MFSD1: variants seen among roughly 807,000 people sequenced by gnomAD.
MFSD1 encodes the protein major facilitator superfamily domain containing 1, also known as lysosomal dipeptide transporter MFSD1.
MFSD1 carries 59 observed loss-of-function variants against 67.1 expected under a neutral mutation model. The observed-to-expected ratio is 0.88, with a 90% CI of 0.71 to 1.09. The LOEUF (loss-of-function observed/expected upper bound fraction) is 1.09. Ranked by LOEUF, MFSD1 falls within the 50% of genes least tolerant of loss-of-function variation. The pLI, the probability that MFSD1 is intolerant of heterozygous loss-of-function variation, is 0.00. For synonymous variants in MFSD1, 213 were observed against 200.3 expected (o/e 1.06, Z -0.54); for missense variants, 552 against 566.1 (o/e 0.97, Z 0.25).
intron 7 of MFSD1, among the ~76,000 whole-genome samples, chr3:158,815,062 G>A (rs889942003): frequency 1.3e-5 from 2 of 152,124 alleles, no homozygotes; most frequent in African/African-American, 4.8e-5. Context: ...AGCCTGGACG[G>A]CAAGAGCAAA....
At chr3:158,823,860 A>G (rs936962609) in intron 12 of MFSD1, among the ~76,000 whole-genome samples, 6 of 152,166 alleles carry the variant, frequency 3.9e-5, no homozygotes, top group Non-Finnish European at 5.9e-5. Context: ...TGATATTCAC[A>G]TGGCCCTTCT....
intron 6 of MFSD1, among the ~76,000 whole-genome samples, chr3:158,811,394 G>T (rs1730010552): frequency 6.6e-6 from 1 of 152,190 alleles, no homozygotes; most frequent in East Asian, 1.9e-4. Flanking sequence ...GCATATACAG[G>T]TGTAGAATTC....
At chr3:158,826,164 A>G in intron 14 of MFSD1, 102 bp downstream of exon 14, 1 of 822,260 alleles carries the variant, frequency 1.2e-6, no homozygotes, top group Middle Eastern at 3.0e-4. Flanking sequence ...TCCATGCAGT[A>G]ATGACTTTCT....
At chr3:158,820,385 C>T in intron 9 of MFSD1, 59 bp downstream of exon 9, 1 of 1,170,952 alleles carries the variant, frequency 8.5e-7, no homozygotes, top group South Asian at 1.3e-5. Flanking sequence ...AGTTCAATCA[C>T]ATAAATGTAG....
At chr3:158,826,794 A>C (rs1048841453) in intron 14 of MFSD1, among the ~76,000 whole-genome samples, 1 of 151,846 alleles carries the variant, frequency 6.6e-6, no homozygotes, top group Non-Finnish European at 1.5e-5. Context: ...TAGCCTCCCA[A>C]ACAGCTGGGA....
chr3:158,824,176 A>G lies in MFSD1; in HGVS notation c.1228A>G (p.Met410Val). Residue 410 changes from methionine to valine, a missense_variant, in exon 13 of 16, where the codon ATG (methionine) becomes GTG (valine). Met to Val is a conservative substitution (Grantham distance 21, BLOSUM62 1). Transcript: ENST00000415822. The part of the protein sequence containing the change: ...GLAIISIIAG[M>V]ILDSRGYLFL... ...GGCCATCATTTCCATCATTGCTGGTATGATACTGGATTCTCGGGGGTATTT... is the reference window on the plus strand; with the variant it reads ...GGCCATCATTTCCATCATTGCTGGTGTGATACTGGATTCTCGGGGGTATTT... 6.2e-7 allele frequency: 1 copy of G among 1,613,626 alleles called. No individual in the cohort carries two copies. Among genetic ancestry groups the G allele is most frequent in the Non-Finnish European group, 8.5e-7 (1 of 1,179,804 alleles).
chr3:158,808,170 A>C (rs1729819912), intron 5 of MFSD1, among the ~76,000 whole-genome samples: 4 of 152,262 alleles, frequency 2.6e-5, no homozygotes, highest in Admixed American at 2.6e-4. Flanking sequence ...AAATGTGGTC[A>C]GAAATGGCCT....
rs1461369308 is a variant in MFSD1, at chr3:158,820,129, G to C, written c.752-86G>C. ...GTTGAATTGCAAAGATTAATCACAA[G>C]ATTTTAAAAAATAATCTTGACTATA... On this transcript the variant is annotated intron_variant, in intron 8 of 15. Coordinates refer to ENST00000415822, the MANE Select transcript of MFSD1 (RefSeq NM_022736.4). 4 of 712,186 alleles carry C rather than the reference G, an allele frequency of 5.6e-6. No individual in the cohort carries two copies. In the Admixed American group the frequency reaches 9.8e-5, roughly 18 times the overall value. 44.1% of individuals were successfully genotyped at this position (712,186 alleles called of 1,614,324 possible).
At chr3:158,824,818 C>CAGTGATGAT (rs772614979) in intron 13 of MFSD1, among the ~76,000 whole-genome samples, 1 of 152,152 alleles carries the variant, frequency 6.6e-6, no homozygotes, top group Non-Finnish European at 1.5e-5. Context: ...TGACAAACCA[C>CAGTGATGAT]AGTGATGATT....
chr3:158,823,630 T>TAGC, intron 12 of MFSD1, 105 bp downstream of exon 12: 1 of 881,204 alleles, frequency 1.1e-6, no homozygotes, highest in Non-Finnish European at 1.9e-6. Context: ...GCCTCTGGGG[T>TAGC]AGCGCTGAAC....
chr3:158,805,365 A>G lies in MFSD1; in HGVS notation c.220A>G (p.Met74Val), dbSNP rs1559914506. ...GTTTTATTTTCTTTTCATATAGGAT[A>G]TGCAAGTGAATACCACGAAATTCAT... The part of the protein sequence containing the change: ...AALQTQVKRD[M>V]QVNTTKFMLL... The change falls in exon 3 of 16, where the codon ATG (methionine) becomes GTG (valine). Residue 74 changes from methionine to valine, a missense_variant. Transcript: ENST00000415822. 6.2e-7 allele frequency: 1 copy of G among 1,610,146 alleles called. No individual in the cohort carries two copies. Among genetic ancestry groups the G allele is most frequent in the South Asian group, 1.1e-5 (1 of 90,986 alleles).
At chr3:158,805,497 G>A (rs1729681100) in intron 3 of MFSD1, 23 bp downstream of exon 3, 2 of 1,509,044 alleles carry the variant, frequency 1.3e-6, no homozygotes, top group Admixed American at 1.7e-5. Context: ...AGAAACTATG[G>A]GTAAATCTTA....
intron 1 of MFSD1, among the ~76,000 whole-genome samples, chr3:158,803,073 C>T (rs1729540036): frequency 6.6e-6 from 1 of 152,144 alleles, no homozygotes; most frequent in South Asian, 2.1e-4. Flanking sequence ...TTGGACGGGA[C>T]TTGTGGTAGT....
chr3:158,810,296 A>C (rs1729934985), intron 6 of MFSD1, among the ~76,000 whole-genome samples: 1 of 152,176 alleles, frequency 6.6e-6, no homozygotes, highest in Admixed American at 6.5e-5. Flanking sequence ...AAGAATTCCC[A>C]TGAATAGAGT....
chr3:158,813,077 G>A lies in MFSD1; in HGVS notation c.550-888G>A, dbSNP rs1328592164. ...TCTTTCTTATTTTTTAAAAGTACTT[G>A]TCAATATTTAATATACTAGATATTT... On this transcript the variant is annotated intron_variant, in intron 6 of 15. Transcript: ENST00000415822. 2.7e-5 allele frequency among the ~76,000 whole-genome samples: 4 copies of A among 147,148 alleles called. 1 individual carries two copies. Among genetic ancestry groups the A allele is most frequent in the East Asian group, 2.0e-4 (1 of 5,058 alleles).
chr3:158,810,945 G>C (rs1447968712), intron 6 of MFSD1, among the ~76,000 whole-genome samples: 4 of 152,066 alleles, frequency 2.6e-5, no homozygotes, highest in African/African-American at 7.2e-5. Flanking sequence ...TGTGAATCTA[G>C]TTGTCTAACA....
rs1729482367 is a variant in MFSD1, at chr3:158,802,196, G to T, written c.44G>T (p.Gly15Val). 2.5e-6 allele frequency: 4 copies of T among 1,610,998 alleles called. No homozygotes were observed. The highest frequency in any genetic ancestry group is 1.3e-5 in the African/African-American group (1 of 75,006). ...DEEARALLAG[G>V]PDEADRGAPA... ...GAAGCGCGGGCGCTCCTGGCAGGCG[G>T]CCCTGACGAGGCCGACAGAGGTGCC... The change falls in exon 1 of 16, where the codon GGC (glycine) becomes GTC (valine). Residue 15 changes from glycine to valine, a missense_variant. Physicochemically the swap from Gly to Val is moderately radical, Grantham distance 109 (BLOSUM62 -3). Transcript: ENST00000415822.
At position 158,828,981 on chromosome 3, in the gene MFSD1, G is replaced by T; in HGVS notation, c.1397G>T (p.Ter466LeuextTer8). 2.5e-6 allele frequency: 4 copies of T among 1,602,972 alleles called. No homozygotes were observed. The highest frequency in any genetic ancestry group is 1.1e-5 in the South Asian group (1 of 88,552). The change falls in exon 16 of 16, where the codon TGA becomes TTA. Residue 466 changes from the stop codon to leucine (L), a stop_lost and splice_region_variant. Transcript: ENST00000415822. ...ATTTATTGCGTTATGTTTTGCAGAT[G>T]AGAAGTTAAAATGAATGTGTCATGA... is the stretch of plus-strand genomic sequence containing the variant. ...REEIKFSHTE* is the reference protein window; with the variant it reads ...REEIKFSHTEL
chr3:158,813,977 A>G lies in MFSD1; in HGVS notation c.562A>G (p.Asn188Asp). The G allele has an allele frequency of 6.2e-7, 1 of 1,612,578 alleles. No homozygotes were observed. Among genetic ancestry groups the G allele is most frequent in the Non-Finnish European group, 8.5e-7 (1 of 1,178,818 alleles). Residue 188 changes from asparagine (N) to aspartate (D), a missense_variant, in exon 7 of 16, where the codon AAC becomes GAC. Coordinates refer to ENST00000415822, the MANE Select transcript of MFSD1 (RefSeq NM_022736.4). ...LSMARIGSTV[N>D]MNLMGWLYSK... The stretch of plus-strand genomic sequence containing the variant: ...CCTTCTCATTTAGGGAAGTACAGTA[A>G]ACATGAACCTCATGGGATGGCTGTA...
Sources: gnomAD v4.1 joint callset for allele counts (sites outside exome capture counted in the v4.1 genomes callset) on GRCh38, gnomAD v4.1.1 for gene constraint, MANE v1.5 for transcripts, NCBI Gene and HGNC (gene_info 2026-07-23, HGNC 2026-07-21) for gene names.